The following GNL2 variants were observed in gnomAD, a reference collection of about 807,000 sequenced individuals.
The protein encoded by GNL2 is G protein nucleolar 2, also known as nucleolar GTP-binding protein 2.
In GNL2, 51 loss-of-function variants were observed where a neutral mutation model predicts 92.3. That is an observed-to-expected ratio of 0.55 (90% CI 0.44 to 0.70). GNL2 has a LOEUF of 0.70. Among genes scored for constraint, GNL2 ranks in the 30% least tolerant of loss-of-function variants. The probability of loss-of-function intolerance (pLI) is 0.00; values close to 1 mark genes in which losing one functional copy is unlikely to be tolerated. For missense variants in GNL2, 844 were observed against 895.6 expected (o/e 0.94, Z 0.74); for synonymous variants, 283 against 300.6 (o/e 0.94, Z 0.61).
intron 4 of GNL2, among the ~76,000 whole-genome samples, chr1:37,590,159 T>G (rs1202429495): frequency 6.6e-6 from 1 of 152,088 alleles, no homozygotes; most frequent in Non-Finnish European, 1.5e-5. Context: ...CAGGCTGGAG[T>G]GCAATGGCAC....
chr1:37,572,472 G>C (rs992046234), intron 12 of GNL2, among the ~76,000 whole-genome samples: 6 of 152,142 alleles, frequency 3.9e-5, no homozygotes, highest in Non-Finnish European at 8.8e-5. Flanking sequence ...AGAGAAGGGA[G>C]ACCAGAAATT....
intron 8 of GNL2, chr1:37,581,340 A>G (rs1351995683): frequency 4.4e-6 from 2 of 455,980 alleles, no homozygotes; most frequent in East Asian, 6.9e-5. Flanking sequence ...AATGACAGGT[A>G]CAGAACATGA....
chr1:37,575,515 G>A lies in GNL2; in HGVS notation c.1143+80C>T. ...TGACCCCAAACTGCCTTCTTAATAA[G>A]TAAAAAGGAAAGGTATCCAGGGTTC... On this transcript the variant is annotated intron_variant, in intron 10 of 15. Transcript: ENST00000373062. The surrounding 1 kb of genome is among the most constrained non-coding windows in gnomAD (Gnocchi z 4.1). 1 of 780,208 alleles carries A rather than the reference G, an allele frequency of 1.3e-6. No individual in the cohort carries two copies. Among genetic ancestry groups the A allele is most frequent in the Non-Finnish European group, 2.0e-6 (1 of 496,340 alleles). The allele number at this position is 780,208 out of a possible 1,614,324, so 48.3% of individuals were successfully genotyped here.
intron 5 of GNL2, among the ~76,000 whole-genome samples, chr1:37,585,157 T>C (rs1460103884): frequency 6.6e-6 from 1 of 150,678 alleles, no homozygotes; most frequent in Non-Finnish European, 1.5e-5. Flanking sequence ...CTCCCGGGTT[T>C]AAGCGATTCC....
rs72927390 is a variant in GNL2, at chr1:37,592,341, C to T, written c.244+371G>A. Among the ~76,000 whole-genome samples, 649 of 152,298 alleles carry T rather than the reference C, an allele frequency of 4.3e-3. 5 individuals carry two copies. The highest frequency in any genetic ancestry group is 0.015 in the African/African-American group (624 of 41,570). The stretch of plus-strand genomic sequence containing the variant: ...ATTAAGAAGTATTTCAGAGGAACTT[C>T]GGGCTAATGCACTTACCCTGAAGGA... On this transcript the variant is annotated intron_variant, in intron 3 of 15. Transcript: ENST00000373062.
In GNL2 at chr1:37,590,714, G is replaced by A. The variant is rs748817671; in HGVS notation, c.376C>T (p.Arg126Trp). The A allele has an allele frequency of 2.7e-5, 43 of 1,613,016 alleles. No homozygotes were observed. Among genetic ancestry groups the A allele is most frequent in the Admixed American group, 3.3e-5 (2 of 59,988 alleles). The change falls in exon 4 of 16, where the codon CGG becomes TGG. Residue 126 changes from arginine (R) to tryptophan (W), a missense_variant. Transcript: ENST00000373062. ...LPMSLLHDRI[R>W]PHNLKVHILD... The stretch of plus-strand genomic sequence containing the variant: ...GATATCCTACATCTTACATGAGGCC[G>A]GATTCGATCATGGAGAAGAGACATT...
intron 8 of GNL2, among the ~76,000 whole-genome samples, chr1:37,578,231 G>C (rs1187412666): frequency 1.3e-5 from 2 of 152,102 alleles, no homozygotes; most frequent in African/African-American, 2.4e-5. Context: ...TTGAGGTCAG[G>C]AGTTTGAGAC....
At chr1:37,571,349 G>C (rs1179120612) in intron 12 of GNL2, among the ~76,000 whole-genome samples, 1 of 152,190 alleles carries the variant, frequency 6.6e-6, no homozygotes, top group African/African-American at 2.4e-5. Context: ...GACTATGTAA[G>C]AATTGATATG....
chr1:37,568,421 G>T, intron 13 of GNL2, 64 bp from the exon 14 acceptor site: 1 of 1,027,892 alleles, frequency 9.7e-7, no homozygotes, highest in Non-Finnish European at 1.5e-6. Flanking sequence ...CTGACCTGGA[G>T]ACCTGCGACA....
Position 37,593,824 on chromosome 1 carries a change from GC to G in GNL2, c.86del (p.Gly29AlafsTer4), listed in dbSNP as rs1393197536. 3 of 1,613,514 alleles carry G rather than the reference GC, an allele frequency of 1.9e-6. No individual in the cohort carries two copies. The highest frequency in any genetic ancestry group is 2.5e-6 in the Non-Finnish European group (3 of 1,179,726). Reference sequence around the variant, plus strand: ...TGGTGGCCCGGTCCCTCATGTTTTGGCCTCCTGCTCCCTGCACTCGATCTAC... The same window carrying G: ...TGGTGGCCCGGTCCCTCATGTTTTGGCTCCTGCTCCCTGCACTCGATCTAC... ...TNPDRVQGAG[G>X]QNMRDRATIR... On this transcript the variant is annotated frameshift_variant, in exon 2 of 16. Transcript: ENST00000373062. LOFTEE classifies it high-confidence loss of function.
At chr1:37,583,773 G>A (rs989862492) in intron 6 of GNL2, 94 bp downstream of exon 6, 27 of 791,366 alleles carry the variant, frequency 3.4e-5, no homozygotes, top group African/African-American at 1.0e-4. Flanking sequence ...TGTACTCTGC[G>A]CAACAGAGCT....
intron 15 of GNL2, 57 bp from the exon 16 acceptor site, chr1:37,567,064 T>C: frequency 6.4e-7 from 1 of 1,555,174 alleles, no homozygotes; most frequent in East Asian, 2.2e-5. Context: ...CTGAAAGTCA[T>C]TCACAAAACA....
chr1:37,574,258 G>A (rs374936102), intron 12 of GNL2, 85 bp downstream of exon 12: 7 of 708,518 alleles, frequency 9.9e-6, no homozygotes, highest in East Asian at 5.4e-5. Flanking sequence ...ATGAATACAC[G>A]CTCTATGAAG....
chr1:37,593,378 A>C, intron 2 of GNL2: 1 of 182,822 alleles, frequency 5.5e-6, no homozygotes. Context: ...TGACTGTCCA[A>C]GTGCCACAAT....
intron 8 of GNL2, 97 bp downstream of exon 8, chr1:37,582,126 A>G (rs1321774663): frequency 1.2e-5 from 9 of 743,864 alleles, no homozygotes; most frequent in Non-Finnish European, 2.0e-5. Context: ...ACGTCCGGCT[A>G]AGAAGTTGGC....
chr1:37,589,366 G>A lies in GNL2; in HGVS notation c.384+1340C>T, dbSNP rs576642306. Among the ~76,000 whole-genome samples, 7 of 152,338 alleles carry A rather than the reference G, an allele frequency of 4.6e-5. No homozygotes were observed. In the South Asian group the frequency reaches 6.2e-4, roughly 14 times the overall value. On this transcript the variant is annotated intron_variant, in intron 4 of 15. Transcript: ENST00000373062. ...GTCGCCTGGGCTGGCACGCAGTGGC[G>A]CAATCTCGGCTCACTGCAAGCTCTG...
chr1:37,574,321 G>C, intron 12 of GNL2, 22 bp downstream of exon 12: 1 of 1,521,304 alleles, frequency 6.6e-7, no homozygotes, highest in Non-Finnish European at 9.1e-7. Context: ...GCTCCCCAGA[G>C]GTGGGCCCAC....
At position 37,574,469 on chromosome 1, in the gene GNL2, A is replaced by G. The variant is rs1455424165; in HGVS notation, c.1303-13T>C. 1 of 1,600,906 alleles carries G rather than the reference A, an allele frequency of 6.2e-7. No individual in the cohort carries two copies. The highest frequency in any genetic ancestry group is 2.2e-5 in the East Asian group (1 of 44,810). ...CGGGCTCTCCACCCTGAAAGGTCAC[A>G]AAGAGATTCCCAATTAAATTCAAAG... On this transcript the variant is annotated splice_polypyrimidine_tract_variant and intron_variant, in intron 11 of 15. Coordinates refer to ENST00000373062, the MANE Select transcript of GNL2 (RefSeq NM_013285.3).
In GNL2 at chr1:37,576,415, G is replaced by A; in HGVS notation, c.1038+13C>T. The stretch of plus-strand genomic sequence containing the variant: ...AAATATGCAAAAGTAAGGTCACCCT[G>A]CGCCCAACGTACCTTTGTTTCACCT... On this transcript the variant is annotated intron_variant, in intron 9 of 15. Coordinates refer to ENST00000373062, the MANE Select transcript of GNL2 (RefSeq NM_013285.3). The A allele has an allele frequency of 1.2e-6, 2 of 1,611,692 alleles. No homozygotes were observed. The highest frequency in any genetic ancestry group is 1.7e-6 in the Non-Finnish European group (2 of 1,178,570).
Sources: allele counts gnomAD v4.1 joint callset (sites outside exome capture counted in the v4.1 genomes callset), GRCh38; gene constraint gnomAD v4.1.1; non-coding constraint Gnocchi (gnomAD v3.1); transcripts MANE v1.5; gene names NCBI Gene and HGNC (gene_info 2026-07-23, HGNC 2026-07-21).